LRP2: variants seen among roughly 807,000 people sequenced by gnomAD.
LRP2 encodes the protein low-density lipoprotein receptor-related protein 2.
LRP2 carries 172 observed loss-of-function variants against 531.0 expected under a neutral mutation model. That is an observed-to-expected ratio of 0.32 (90% CI 0.29 to 0.37). LRP2 has a LOEUF of 0.37. Ranked by LOEUF, LRP2 falls within the 10% of genes least tolerant of loss-of-function variation. LRP2 has a pLI of 1.00. For synonymous variants in LRP2, 1,992 were observed against 2,027.6 expected (o/e 0.98, Z 0.47); for missense variants, 5,167 against 5,868.3 (o/e 0.88, Z 3.90).
Position 169,176,478 on chromosome 2 carries a change from G to A in LRP2, c.10504C>T (p.Leu3502=). The change falls in exon 54 of 79, where the codon CTG becomes TTG. Residue 3502 remains leucine (L), a synonymous_variant. Coordinates refer to ENST00000649046, the MANE Select transcript of LRP2 (RefSeq NM_004525.3). ...ECPDDFRTLQ[L]SGSTYCMPMC... Reference sequence around the variant, plus strand: ...GGCATGCAGTAGGTGCTGCCACTCAGCTGAAGGGTGCGGAAGTCATCTGGA... The same window carrying A: ...GGCATGCAGTAGGTGCTGCCACTCAACTGAAGGGTGCGGAAGTCATCTGGA... 1 of 1,614,174 alleles carries A rather than the reference G, an allele frequency of 6.2e-7. No individual in the cohort carries two copies. Among genetic ancestry groups the A allele is most frequent in the Non-Finnish European group, 8.5e-7 (1 of 1,180,020 alleles).
At chr2:169,282,771 A>G in intron 10 of LRP2, 102 bp downstream of exon 10, 1 of 1,331,302 alleles carries the variant, frequency 7.5e-7, no homozygotes, top group South Asian at 1.2e-5. Context: ...AAGCCCTGCC[A>G]ACAACAAAAA....
chr2:169,262,033 A>G (rs1683987418), intron 16 of LRP2, among the ~76,000 whole-genome samples: 1 of 152,052 alleles, frequency 6.6e-6, no homozygotes, highest in South Asian at 2.1e-4. Context: ...GGCCTTTGAC[A>G]AAAGTCAACA....
At chr2:169,216,745 T>C (rs1688811603) in intron 34 of LRP2, among the ~76,000 whole-genome samples, 1 of 152,134 alleles carries the variant, frequency 6.6e-6, no homozygotes, top group Non-Finnish European at 1.5e-5. Context: ...GGAAGAAACC[T>C]ACATCAATAA....
At chr2:169,256,819 A>G (rs1690322752) in intron 18 of LRP2, among the ~76,000 whole-genome samples, 1 of 152,102 alleles carries the variant, frequency 6.6e-6, no homozygotes, top group South Asian at 2.1e-4. Flanking sequence ...CCTACTTTAA[A>G]TGCTGCTTGG....
At chr2:169,198,185 G>A (rs377017949) in intron 45 of LRP2, among the ~76,000 whole-genome samples, 22 of 152,152 alleles carry the variant, frequency 1.4e-4, no homozygotes, top group African/African-American at 5.3e-4. Context: ...AGGCTGAGAT[G>A]GGTGGATCGC....
At chr2:169,264,925 C>T (rs1261339322) in intron 16 of LRP2, among the ~76,000 whole-genome samples, 1 of 152,008 alleles carries the variant, frequency 6.6e-6, no homozygotes, top group East Asian at 1.9e-4. Flanking sequence ...GTCCTCAACA[C>T]AGAACTGAGA....
chr2:169,240,889 T>C, intron 25 of LRP2, 99 bp downstream of exon 25: 1 of 1,472,308 alleles, frequency 6.8e-7, no homozygotes, highest in Non-Finnish European at 9.4e-7. Context: ...ACTGAAATCC[T>C]TCCTACAAAG....
At chr2:169,185,316 A>T (rs1687595944) in intron 50 of LRP2, among the ~76,000 whole-genome samples, 187 bp downstream of exon 50, 1 of 152,248 alleles carries the variant, frequency 6.6e-6, no homozygotes, top group Admixed American at 6.5e-5. Flanking sequence ...AATTTTTAAA[A>T]TAATTAGATA....
chr2:169,197,038 A>G lies in LRP2; in HGVS notation c.8579-8T>C, dbSNP rs1462724361. On this transcript the variant is annotated splice_polypyrimidine_tract_variant and splice_region_variant and intron_variant, in intron 45 of 78. Coordinates refer to ENST00000649046, the MANE Select transcript of LRP2 (RefSeq NM_004525.3). The stretch of plus-strand genomic sequence containing the variant: ...TGCTGCACGTGTGAGTGGCTGCAGG[A>G]GGGAAAGAAGATAAAACCCATGAGC... 6.2e-7 allele frequency: 1 copy of G among 1,613,376 alleles called. No individual in the cohort carries two copies. Among genetic ancestry groups the G allele is most frequent in the Non-Finnish European group, 8.5e-7 (1 of 1,179,874 alleles).
chr2:169,183,532 C>T (rs1450232283), intron 50 of LRP2, among the ~76,000 whole-genome samples: 5 of 152,150 alleles, frequency 3.3e-5, no homozygotes, highest in Non-Finnish European at 5.9e-5. Flanking sequence ...TTATTCTTGT[C>T]GTATTAGTAT....
Position 169,328,589 on chromosome 2 carries a change from C to T in LRP2, c.80-7705G>A, listed in dbSNP as rs531442785. ...AAATTAAATATCCATGCAATAACAA[C>T]AGCTGATATTGTTTACTGAGTACCT... On this transcript the variant is annotated intron_variant, in intron 1 of 78. Coordinates refer to ENST00000649046, the MANE Select transcript of LRP2 (RefSeq NM_004525.3). Among the ~76,000 whole-genome samples the T allele has an allele frequency of 2.6e-5, 4 of 151,150 alleles. No homozygotes were observed. The South Asian group carries it at 8.4e-4, about 32-fold the overall frequency.
In LRP2 at chr2:169,217,888, C is replaced by T. The variant is rs142828988; in HGVS notation, c.5649-1458G>A. Among the ~76,000 whole-genome samples the T allele has an allele frequency of 9.0e-3, 1,371 of 152,234 alleles. 29 individuals are homozygous for T. The highest frequency in any genetic ancestry group is 8.3e-3 in the Non-Finnish European group (567 of 67,996). ...TATTCTGAAAGACATTTTCCTGTTA[C>T]ATTTTGACCTACAAGTTTATCTTTC... On this transcript the variant is annotated intron_variant, in intron 34 of 78. Coordinates refer to ENST00000649046, the MANE Select transcript of LRP2 (RefSeq NM_004525.3).
chr2:169,280,203 T>A (rs1559054671), intron 11 of LRP2, 147 bp downstream of exon 11: 1 of 809,942 alleles, frequency 1.2e-6, no homozygotes. Context: ...TAGTATAGCA[T>A]GGAAAAGGTG....
intron 28 of LRP2, 86 bp downstream of exon 28, chr2:169,237,017 C>T: frequency 8.7e-7 from 1 of 1,152,016 alleles, no homozygotes; most frequent in East Asian, 2.3e-5. Flanking sequence ...ATATCAGCAA[C>T]ATGCATATCA....
chr2:169,347,305 G>A (rs1685720139), intron 1 of LRP2, among the ~76,000 whole-genome samples: 1 of 152,176 alleles, frequency 6.6e-6, no homozygotes, highest in South Asian at 2.1e-4. Context: ...GAGATACTTT[G>A]GGACCAAGAG....
chr2:169,226,819 A>G (rs766546689), intron 31 of LRP2, among the ~76,000 whole-genome samples: 7 of 152,254 alleles, frequency 4.6e-5, no homozygotes, highest in Non-Finnish European at 1.0e-4. Context: ...GGACTTTTTC[A>G]AGGCAGGTTG....
At chr2:169,147,852 C>T (rs1409609205) in intron 68 of LRP2, among the ~76,000 whole-genome samples, 1 of 152,124 alleles carries the variant, frequency 6.6e-6, no homozygotes, top group Non-Finnish European at 1.5e-5. Context: ...GAAGGCAGAC[C>T]TACCCAGTGT....
At chr2:169,315,761 G>A (rs1300371340) in intron 3 of LRP2, among the ~76,000 whole-genome samples, 3 of 152,062 alleles carry the variant, frequency 2.0e-5, no homozygotes, top group African/African-American at 7.2e-5. Flanking sequence ...CCACAGAACT[G>A]GAGGCAGGGA....
chr2:169,220,793 C>G (rs888919621), intron 33 of LRP2, among the ~76,000 whole-genome samples: 1 of 152,124 alleles, frequency 6.6e-6, no homozygotes, highest in Admixed American at 6.6e-5. Context: ...GTTCCTACTT[C>G]CAACTCACCT....
Sources: gnomAD v4.1 joint callset for allele counts (sites outside exome capture counted in the v4.1 genomes callset) on GRCh38, gnomAD v4.1.1 for gene constraint, MANE v1.5 for transcripts, NCBI Gene and HGNC (gene_info 2026-07-23, HGNC 2026-07-21) for gene names.